Variants in ALOX5 observed in about 807,000 individuals in gnomAD.
The protein encoded by ALOX5 is arachidonate 5-lipoxygenase.
Under a neutral mutation model 87.9 loss-of-function variants are expected in ALOX5, and 64 were observed. The ratio of observed to expected loss-of-function variants is 0.73; its 90% confidence interval spans 0.60 to 0.90. The LOEUF (loss-of-function observed/expected upper bound fraction) is 0.90, where lower values mean the gene tolerates loss of function less well. Among genes scored for constraint, ALOX5 ranks in the 40% least tolerant of loss-of-function variants. The pLI is 0.00. For synonymous variants in ALOX5, 388 were observed against 355.1 expected (o/e 1.09, Z -1.04); for missense variants, 822 against 907.5 (o/e 0.91, Z 1.21).
At chr10:45,438,792 A>AAAC (rs1158258011) in intron 7 of ALOX5, among the ~76,000 whole-genome samples, 2 of 152,196 alleles carry the variant, frequency 1.3e-5, no homozygotes, top group African/African-American at 4.8e-5. Flanking sequence ...TTTTTATGTG[A>AAAC]AACTGTCTGG....
chr10:45,433,230 G>A (rs939494078), intron 7 of ALOX5, among the ~76,000 whole-genome samples: 2 of 152,326 alleles, frequency 1.3e-5, no homozygotes, highest in Admixed American at 6.5e-5. Context: ...ATAACTGGTG[G>A]GCCTGGGCAG....
chr10:45,433,942 G>A (rs1397680242), intron 7 of ALOX5, among the ~76,000 whole-genome samples: 1 of 152,214 alleles, frequency 6.6e-6, no homozygotes, highest in East Asian at 1.9e-4. Context: ...AGAGACACAT[G>A]TTCAGGGGTT....
intron 2 of ALOX5, 35 bp from the exon 3 acceptor site, chr10:45,395,820 C>A: frequency 6.3e-7 from 1 of 1,594,510 alleles, no homozygotes; most frequent in Non-Finnish European, 8.6e-7. Context: ...TATTGTTCTT[C>A]CTCAGGCTCC....
Position 45,395,900 on chromosome 10 carries a change from G to A in ALOX5, c.395G>A (p.Arg132Gln), listed in dbSNP as rs765467323. Residue 132 changes from arginine to glutamine, a missense_variant, in exon 3 of 14, where the codon CGA (arginine) becomes CAA (glutamine). Coordinates refer to ENST00000374391, the MANE Select transcript of ALOX5 (RefSeq NM_000698.5). ...DDQIHILKQH[R>Q]RKELETRQKQ... ...CAAATTCACATTCTCAAGCAACACC[G>A]ACGTAAAGAACTGGAAACACGGCAA... 8.7e-6 allele frequency: 14 copies of A among 1,614,092 alleles called. No individual in the cohort carries two copies. The highest frequency in any genetic ancestry group is 2.7e-5 in the African/African-American group (2 of 74,932).
chr10:45,419,426 A>G (rs142746187), intron 4 of ALOX5, among the ~76,000 whole-genome samples: 1,767 of 152,164 alleles, frequency 0.012, 25 homozygotes, highest in African/African-American at 0.04. Flanking sequence ...GTGACTCCCG[A>G]CAAGGGACGG....
chr10:45,416,860 AGATGGGTGGATGGATT>A (rs1303433819), intron 4 of ALOX5, among the ~76,000 whole-genome samples: 6 of 150,536 alleles, frequency 4.0e-5, no homozygotes, highest in African/African-American at 1.2e-4. Context: ...ATGGATGGAT[AGATGGGTGGATGGATT>A]GATGGGTGGA....
At chr10:45,438,485 GTCAGGAACATGTCAGTGTCCCAGAGCCA>G (rs58546125) in intron 7 of ALOX5, among the ~76,000 whole-genome samples, 33,781 of 151,290 alleles carry the variant, frequency 0.22, 4,493 homozygotes, top group African/African-American at 0.36. Flanking sequence ...CCCAGAGGAT[GTCAGGAACATGTCAGTGTCCCAGAGCCA>G]TCAGGAACAT....
chr10:45,421,643 C>A (rs984882579), intron 4 of ALOX5, among the ~76,000 whole-genome samples: 1 of 152,218 alleles, frequency 6.6e-6, no homozygotes, highest in East Asian at 1.9e-4. Context: ...CTGGGTATTC[C>A]AGTGCCTGGC....
At chr10:45,395,962 G>T (rs1564421201) in intron 3 of ALOX5, 26 bp downstream of exon 3, 1 of 1,604,080 alleles carries the variant, frequency 6.2e-7, no homozygotes, top group East Asian at 2.2e-5. Context: ...AGATCGAGTG[G>T]CCACGGGGCC....
chr10:45,397,303 C>T (rs1204788522), intron 3 of ALOX5, among the ~76,000 whole-genome samples: 1 of 152,174 alleles, frequency 6.6e-6, no homozygotes, highest in Non-Finnish European at 1.5e-5. Flanking sequence ...TCACTTGAAC[C>T]CAGAAGGCGG....
chr10:45,437,134 C>G (rs1842084834), intron 7 of ALOX5, among the ~76,000 whole-genome samples: 1 of 152,170 alleles, frequency 6.6e-6, no homozygotes, highest in South Asian at 2.1e-4. Flanking sequence ...GGGCAGATCA[C>G]CTGAGGTCAG....
chr10:45,397,516 G>A lies in ALOX5; in HGVS notation c.431+1580G>A, dbSNP rs75831645. 5.9e-3 allele frequency among the ~76,000 whole-genome samples: 905 copies of A among 152,246 alleles called. 6 individuals are homozygous for A. Among genetic ancestry groups the A allele is most frequent in the African/African-American group, 0.02 (819 of 41,546 alleles). On this transcript the variant is annotated intron_variant, in intron 3 of 13. Transcript: ENST00000374391. Reference sequence around the variant, plus strand: ...CTGGAGGGTCTAGCCAGCTCAGTTAGGGAATAAAAAGATAAGTAAAGGCAC... The same window carrying A: ...CTGGAGGGTCTAGCCAGCTCAGTTAAGGAATAAAAAGATAAGTAAAGGCAC...
intron 3 of ALOX5, among the ~76,000 whole-genome samples, chr10:45,402,806 AGAAGGG>A (rs1460574455): frequency 6.6e-6 from 1 of 152,230 alleles, no homozygotes; most frequent in African/African-American, 2.4e-5. Context: ...CAAATCTTTA[AGAAGGG>A]GAGTGTCATT....
intron 3 of ALOX5, among the ~76,000 whole-genome samples, chr10:45,400,168 A>C (rs1049945907): frequency 1.3e-5 from 2 of 152,264 alleles, no homozygotes; most frequent in Non-Finnish European, 1.5e-5. Flanking sequence ...CCACATGTCT[A>C]TACAAAACTT....
chr10:45,402,086 C>CAAAAA (rs10649706), intron 3 of ALOX5, among the ~76,000 whole-genome samples: 31 of 100,978 alleles, frequency 3.1e-4, no homozygotes, highest in Non-Finnish European at 4.7e-4. Flanking sequence ...GACTCCGTCT[C>CAAAAA]AAAAAAAAAA....
intron 3 of ALOX5, among the ~76,000 whole-genome samples, chr10:45,409,394 CTT>C (rs2132753324): frequency 6.6e-6 from 1 of 152,314 alleles, no homozygotes; most frequent in African/African-American, 2.4e-5. Context: ...TGATTATTCT[CTT>C]TGTCTGTTTC....
At chr10:45,437,751 G>T (rs1842101676) in intron 7 of ALOX5, among the ~76,000 whole-genome samples, 2 of 152,180 alleles carry the variant, frequency 1.3e-5, no homozygotes, top group Non-Finnish European at 2.9e-5. Flanking sequence ...TAAGTTATTA[G>T]CCAGTCGGGT....
At position 45,424,162 on chromosome 10, in the gene ALOX5, G is replaced by C. The variant is rs375277942; in HGVS notation, c.661+15G>C. On this transcript the variant is annotated intron_variant, in intron 5 of 13. Coordinates refer to ENST00000374391, the MANE Select transcript of ALOX5 (RefSeq NM_000698.5). ...CACTATTTCTGGTGAGTGTGCCTCT[G>C]GGGGCCCAAGTGGTGCTGGGGACAG... 384 of 1,598,262 alleles carry C rather than the reference G, an allele frequency of 2.4e-4. No individual in the cohort carries two copies. The highest frequency in any genetic ancestry group is 3.2e-4 in the Non-Finnish European group (368 of 1,165,958).
chr10:45,439,584 G>T (rs1842163763), intron 7 of ALOX5, among the ~76,000 whole-genome samples: 1 of 152,238 alleles, frequency 6.6e-6, no homozygotes, highest in Non-Finnish European at 1.5e-5. Flanking sequence ...GGGGCAACGT[G>T]CAGGGCTGCT....
Sources: allele counts gnomAD v4.1 joint callset (sites outside exome capture counted in the v4.1 genomes callset), GRCh38; gene constraint gnomAD v4.1.1; transcripts MANE v1.5; gene names NCBI Gene and HGNC (gene_info 2026-07-23, HGNC 2026-07-21).